Variants in STS observed in about 807,000 individuals in gnomAD.
STS encodes the protein steryl-sulfatase.
Under a neutral mutation model 26.8 loss-of-function variants are expected in STS, and 7 were observed. That is an observed-to-expected ratio of 0.26 (90% CI 0.15 to 0.49). The LOEUF is 0.49. STS is among the 20% of genes least tolerant of loss of function. STS has a pLI of 0.98. For synonymous variants in STS, 199 were observed against 189.4 expected, an observed-to-expected ratio of 1.05 and a Z score of -0.42; for missense variants, 434 against 465.6, an observed-to-expected ratio of 0.93 and a Z score of 0.63.
At chrX:7,161,078 C>T (rs896845991) in intron 1 of STS, among the ~76,000 whole-genome samples, 1 of 111,144 alleles carries the variant, frequency 9.0e-6, no homozygotes, top group Non-Finnish European at 1.9e-5. Context: ...GCCTCAGCCT[C>T]CCGAGTAGCT....
At chrX:7,320,339 C>T (rs192016406) in intron 8 of STS, among the ~76,000 whole-genome samples, 35 of 108,808 alleles carry the variant, frequency 3.2e-4, no homozygotes, top group African/African-American at 1.1e-3. Context: ...TACCAGCTTT[C>T]CCATTAATGC....
intron 1 of STS, among the ~76,000 whole-genome samples, chrX:7,155,210 G>C (rs942140664): frequency 2.7e-5 from 3 of 111,101 alleles, no homozygotes; most frequent in African/African-American, 9.8e-5. Context: ...TACTCAACAG[G>C]GACCATCACA....
intron 7 of STS, among the ~76,000 whole-genome samples, chrX:7,281,320 C>T (rs1467667482): frequency 8.9e-6 from 1 of 111,966 alleles, no homozygotes; most frequent in East Asian, 2.8e-4. Flanking sequence ...GTGCATTTGT[C>T]GTTCAGTTGC....
At chrX:7,264,067 G>C (rs868864792) in intron 6 of STS, among the ~76,000 whole-genome samples, 1 of 111,783 alleles carries the variant, frequency 8.9e-6, no homozygotes, top group Non-Finnish European at 1.9e-5. Flanking sequence ...GATTTTCACA[G>C]GTTTGGGCTG....
chrX:7,279,259 G>T (rs1292796476), intron 7 of STS, among the ~76,000 whole-genome samples: 1 of 95,068 alleles, frequency 1.1e-5, no homozygotes, highest in African/African-American at 4.2e-5. Context: ...AGCCGAGATC[G>T]CACCACTGTA....
chrX:7,302,756 G>T (rs191273799), intron 7 of STS, among the ~76,000 whole-genome samples: 1 of 111,814 alleles, frequency 8.9e-6, no homozygotes. Flanking sequence ...GACCAAGTGG[G>T]TGTGAGTGCA....
At chrX:7,326,740 T>C (rs1386436942) in intron 9 of STS, among the ~76,000 whole-genome samples, 1 of 112,180 alleles carries the variant, frequency 8.9e-6, no homozygotes, top group Non-Finnish European at 1.9e-5. Flanking sequence ...CGCAGGCGGC[T>C]GCAAATCTTG....
chrX:7,175,875 C>G (rs1382320758), intron 1 of STS, among the ~76,000 whole-genome samples: 1 of 111,241 alleles, frequency 9.0e-6, no homozygotes, highest in Non-Finnish European at 1.9e-5. Context: ...CAAAATACCT[C>G]TTGAATTTAC....
At chrX:7,181,513 G>A (rs1317612425) in intron 1 of STS, among the ~76,000 whole-genome samples, 1 of 112,078 alleles carries the variant, frequency 8.9e-6, no homozygotes, top group East Asian at 2.8e-4. Context: ...CAGAGCATCG[G>A]AAGTGACTCT....
chrX:7,176,947 C>A lies in STS; in HGVS notation c.-133-13933C>A, dbSNP rs549411281. Among the ~76,000 whole-genome samples the A allele has an allele frequency of 4.5e-5, 5 of 111,782 alleles. No individual in the cohort carries two copies. The South Asian group carries it at 1.9e-3, about 42-fold the overall frequency. ...TTTGGCTTGGCACTGGTGTCATTTT[C>A]TGCAAACCTCTGTTAGATCTACAGT... is the stretch of plus-strand genomic sequence containing the variant. On this transcript the variant is annotated intron_variant, in intron 1 of 10. Transcript: ENST00000674429.
Position 7,304,967 on chromosome X carries a change from C to T in STS, c.944-79C>T, listed in dbSNP as rs368567201. ...TTTACTTCCACCTTGAGAAATTAGC[C>T]ACCCACTGAGTAGGGCAACCATCTC... On this transcript the variant is annotated intron_variant, in intron 7 of 10. Coordinates refer to ENST00000674429, the MANE Select transcript of STS (RefSeq NM_001320752.2). 16 of 1,130,483 alleles carry T rather than the reference C, an allele frequency of 1.4e-5. No individual in the cohort carries two copies. In the African/African-American group the frequency reaches 2.5e-4, roughly 18 times the overall value. 93.2% of individuals were successfully genotyped at this position (1,130,483 alleles called of 1,213,427 possible). A position where few individuals can be genotyped will look rare whatever the true frequency, so the allele number is the denominator to read the frequency against.
At chrX:7,171,164 A>G (rs1485169798) in intron 1 of STS, among the ~76,000 whole-genome samples, 2 of 111,725 alleles carry the variant, frequency 1.8e-5, no homozygotes, top group Non-Finnish European at 3.8e-5. Flanking sequence ...AAGCATAAAA[A>G]TCTATAGGGG....
intron 2 of STS, among the ~76,000 whole-genome samples, chrX:7,215,099 A>G (rs1463219939): frequency 1.2e-5 from 1 of 83,888 alleles, no homozygotes; most frequent in Non-Finnish European, 2.2e-5. Context: ...ATATATGTGT[A>G]TATATATACA....
chrX:7,196,068 C>G (rs1343343945), intron 2 of STS, among the ~76,000 whole-genome samples: 8 of 101,662 alleles, frequency 7.9e-5, no homozygotes, highest in African/African-American at 2.9e-4. Flanking sequence ...TAGGACAGAC[C>G]CTTGTAACAA....
chrX:7,209,446 G>A (rs1920978034), intron 2 of STS, among the ~76,000 whole-genome samples: 1 of 102,616 alleles, frequency 9.7e-6, no homozygotes, highest in Non-Finnish European at 2.0e-5. Flanking sequence ...TAGTATAAAT[G>A]TTTTATTTTA....
At position 7,148,080 on chromosome X, in the gene STS, T is replaced by C; in HGVS notation, c.-137T>C. 1 of 1,131,697 alleles carries C rather than the reference T, an allele frequency of 8.8e-7. No individual in the cohort carries two copies. The highest frequency in any genetic ancestry group is 3.7e-5 in the East Asian group (1 of 27,017). 93.3% of individuals were successfully genotyped at this position (1,131,697 alleles called of 1,213,427 possible). The stretch of plus-strand genomic sequence containing the variant: ...AGAAGAAGTCCGTCCATGTCAAAGA[T>C]GAGGTGGGTGACGGGCTGCGGGGGC... On this transcript the variant is annotated 5_prime_UTR_variant, in exon 1 of 11. An upstream start codon of the reference 5' UTR is lost. Coordinates refer to ENST00000674429, the MANE Select transcript of STS (RefSeq NM_001320752.2).
chrX:7,158,872 A>G (rs1318682554), intron 1 of STS, among the ~76,000 whole-genome samples: 2 of 112,139 alleles, frequency 1.8e-5, no homozygotes, highest in Non-Finnish European at 3.8e-5. Context: ...TGCAATGAGT[A>G]AGTTTTACAG....
chrX:7,252,760 T>C (rs1923200706), intron 2 of STS, among the ~76,000 whole-genome samples: 1 of 111,676 alleles, frequency 9.0e-6, no homozygotes, highest in Non-Finnish European at 1.9e-5. Context: ...GATGGATGAA[T>C]TCTCTTCCCT....
At chrX:7,348,464 G>A (rs934865556) in intron 10 of STS, among the ~76,000 whole-genome samples, 1 of 112,034 alleles carries the variant, frequency 8.9e-6, no homozygotes, top group African/African-American at 3.2e-5. Context: ...GGGCATTCAC[G>A]TTCTGCACCT....
Sources: allele counts gnomAD v4.1 joint callset (sites outside exome capture counted in the v4.1 genomes callset), GRCh38; gene constraint gnomAD v4.1.1; transcripts MANE v1.5; gene names NCBI Gene and HGNC (gene_info 2026-07-23, HGNC 2026-07-21).